Variants in VIPR2 observed in about 807,000 individuals in gnomAD.
VIPR2 encodes vasoactive intestinal peptide receptor 2.
Under a neutral mutation model 58.0 loss-of-function variants are expected in VIPR2, and 48 were observed. The ratio of observed to expected loss-of-function variants is 0.83; its 90% CI spans 0.66 to 1.05. The LOEUF is 1.05. Ranked by LOEUF, VIPR2 falls within the 50% of genes least tolerant of loss-of-function variation. VIPR2 has a pLI of 0.00. For synonymous variants in VIPR2, 243 were observed against 235.2 expected, an observed-to-expected ratio of 1.03 and a Z score of -0.30; for missense variants, 534 against 558.0, an observed-to-expected ratio of 0.96 and a Z score of 0.43.
At chr7:159,082,253 G>A (rs1459082361) in intron 4 of VIPR2, among the ~76,000 whole-genome samples, 1 of 152,130 alleles carries the variant, frequency 6.6e-6, no homozygotes, top group South Asian at 2.1e-4. Context: ...AAGAAAATGT[G>A]GCACACATAC....
chr7:159,043,520 C>A (rs139688627), intron 5 of VIPR2, among the ~76,000 whole-genome samples: 1 of 151,806 alleles, frequency 6.6e-6, no homozygotes, highest in Admixed American at 6.6e-5. Context: ...GTGTAGGGAC[C>A]ATTCAAGAAA....
intron 4 of VIPR2, among the ~76,000 whole-genome samples, chr7:159,076,443 T>C (rs1856641709): frequency 6.6e-6 from 1 of 152,192 alleles, no homozygotes; most frequent in Non-Finnish European, 1.5e-5. Flanking sequence ...GAAAAATCTT[T>C]AGTAAAAAAG....
chr7:159,032,076 A>G lies in VIPR2; in HGVS notation c.972-9T>C, dbSNP rs755188370. On this transcript the variant is annotated splice_polypyrimidine_tract_variant and intron_variant, in intron 10 of 12. Coordinates refer to ENST00000262178, the MANE Select transcript of VIPR2 (RefSeq NM_003382.5). ...TGGACTTGGCCAGCCTCCTGCACAG[A>G]AGGAGATGAGCCAGCTCAGCTGCTG... 2 of 1,613,388 alleles carry G rather than the reference A, an allele frequency of 1.2e-6. No individual in the cohort carries two copies. Among genetic ancestry groups the G allele is most frequent in the African/African-American group, 1.3e-5 (1 of 74,918 alleles).
intron 2 of VIPR2, among the ~76,000 whole-genome samples, chr7:159,119,565 C>T (rs1043215179): frequency 1.3e-5 from 2 of 152,218 alleles, no homozygotes; most frequent in East Asian, 3.9e-4. Flanking sequence ...TAGGGCACAA[C>T]CCCAACGCTC....
At chr7:159,039,302 TACAC>T (rs3064495) in intron 6 of VIPR2, among the ~76,000 whole-genome samples, 40 of 149,002 alleles carry the variant, frequency 2.7e-4, no homozygotes, top group African/African-American at 9.1e-4. Context: ...CTACTAAAAA[TACAC>T]ACACACACAC....
At chr7:159,102,145 G>C (rs1270573101) in intron 4 of VIPR2, among the ~76,000 whole-genome samples, 2 of 136,698 alleles carry the variant, frequency 1.5e-5, no homozygotes, top group Admixed American at 7.3e-5. Context: ...GACTGTTCCT[G>C]TGGTAGTGAA....
At chr7:159,112,862 A>AG (rs1796089268) in intron 2 of VIPR2, among the ~76,000 whole-genome samples, 3 of 152,036 alleles carry the variant, frequency 2.0e-5, no homozygotes, top group African/African-American at 7.2e-5. Context: ...GACTGTGAGG[A>AG]GGAGACTCAC....
intron 8 of VIPR2, among the ~76,000 whole-genome samples, chr7:159,035,457 G>A (rs1164790238): frequency 6.6e-6 from 1 of 152,216 alleles, no homozygotes; most frequent in Non-Finnish European, 1.5e-5. Flanking sequence ...CCCTTTAAAA[G>A]GCAAGATATT....
At chr7:159,062,348 C>T (rs1855734651) in intron 4 of VIPR2, among the ~76,000 whole-genome samples, 1 of 152,146 alleles carries the variant, frequency 6.6e-6, no homozygotes, top group Non-Finnish European at 1.5e-5. Flanking sequence ...AACTAAGACA[C>T]GGACCCTCAC....
At chr7:159,045,891 A>ACATATATATAT (rs55934723) in intron 5 of VIPR2, among the ~76,000 whole-genome samples, 3 of 147,950 alleles carry the variant, frequency 2.0e-5, no homozygotes, top group African/African-American at 7.3e-5. Context: ...TTAGTATCTA[A>ACATATATATAT]AATATATAAA....
chr7:159,123,837 A>C (rs1318668615), intron 2 of VIPR2, among the ~76,000 whole-genome samples: 2 of 152,140 alleles, frequency 1.3e-5, no homozygotes, highest in Non-Finnish European at 2.9e-5. Flanking sequence ...TTTTAACAAG[A>C]GCCATTCTGA....
chr7:159,130,695 C>A (rs925011660), intron 2 of VIPR2, among the ~76,000 whole-genome samples: 1 of 152,246 alleles, frequency 6.6e-6, no homozygotes, highest in African/African-American at 2.4e-5. Context: ...CGGTCTCCCA[C>A]ATGGCGTGGC....
At chr7:159,137,593 A>G (rs1797282313) in intron 2 of VIPR2, among the ~76,000 whole-genome samples, 1 of 151,370 alleles carries the variant, frequency 6.6e-6, no homozygotes, top group Non-Finnish European at 1.5e-5. Flanking sequence ...CTTGTCTTGA[A>G]CTCCTGCCTT....
At chr7:159,075,231 T>C (rs1372380375) in intron 4 of VIPR2, among the ~76,000 whole-genome samples, 1 of 152,228 alleles carries the variant, frequency 6.6e-6, no homozygotes, top group East Asian at 1.9e-4. Flanking sequence ...GCTCAAAATC[T>C]ACAGATGTCC....
rs921045301 is a variant in VIPR2 at position 159,031,083 on chromosome 7, C to A, written c.1144-294G>T. 1.3e-5 allele frequency among the ~76,000 whole-genome samples: 2 copies of A among 152,164 alleles called. No homozygotes were observed. Among genetic ancestry groups the A allele is most frequent in the African/African-American group, 4.8e-5 (2 of 41,446 alleles). On this transcript the variant is annotated intron_variant, in intron 12 of 12. Coordinates refer to ENST00000262178, the MANE Select transcript of VIPR2 (RefSeq NM_003382.5). The surrounding 1 kb of genome is among the most constrained non-coding windows in gnomAD (Gnocchi z 4.0). ...CCACAGTCTCAGATAGTTAATATTT[C>A]TCTGAAAAGATTTTCCTTAGCAGCC... is the stretch of plus-strand genomic sequence containing the variant.
In VIPR2 at chr7:159,087,583, T is replaced by C. The variant is rs529791226; in HGVS notation, c.357+16174A>G. 1.1e-3 allele frequency among the ~76,000 whole-genome samples: 88 copies of C among 78,762 alleles called. 1 individual carries two copies. Among genetic ancestry groups the C allele is most frequent in the African/African-American group, 4.4e-3 (87 of 19,824 alleles). 51.7% of individuals were successfully genotyped at this position (78,762 alleles called of 152,430 possible). On this transcript the variant is annotated intron_variant, in intron 4 of 12. Coordinates refer to ENST00000262178, the MANE Select transcript of VIPR2 (RefSeq NM_003382.5). ...TGAGATACGGCTTCCCAACAAACAA[T>C]AACCACACTCTGCCAGGATTCTGAT...
intron 4 of VIPR2, among the ~76,000 whole-genome samples, chr7:159,075,718 C>T (rs1856603955): frequency 6.7e-6 from 1 of 148,762 alleles, no homozygotes; most frequent in East Asian, 2.0e-4. Flanking sequence ...CAATGAGTAG[C>T]CCAGGGCCAG....
At chr7:159,142,337 C>CTT (rs71302077) in intron 2 of VIPR2, 109 bp downstream of exon 2, 60,748 of 626,066 alleles carry the variant, frequency 0.097, 1,400 homozygotes, top group East Asian at 0.14. Flanking sequence ...CTTTCTTTTT[C>CTT]TTTTTTTTTT....
chr7:159,116,459 G>A (rs746555083), intron 2 of VIPR2, among the ~76,000 whole-genome samples: 2 of 152,154 alleles, frequency 1.3e-5, no homozygotes, highest in Non-Finnish European at 2.9e-5. Context: ...GGCAGTGACC[G>A]GTGGTCAGTC....
Sources: allele counts gnomAD v4.1 joint callset (sites outside exome capture counted in the v4.1 genomes callset), GRCh38; gene constraint gnomAD v4.1.1; non-coding constraint Gnocchi (gnomAD v3.1); transcripts MANE v1.5; gene names NCBI Gene and HGNC (gene_info 2026-07-23, HGNC 2026-07-21).